Variants in SDHC observed in about 807,000 individuals in gnomAD.
SDHC encodes the protein succinate dehydrogenase cytochrome b560 subunit, mitochondrial.
SDHC carries 11 observed loss-of-function variants against 22.6 expected under a neutral mutation model. The ratio of observed to expected loss-of-function variants is 0.49; its 90% CI spans 0.31 to 0.81. SDHC has a LOEUF of 0.81. Among genes scored for constraint, SDHC ranks in the 30% least tolerant of loss-of-function variants. SDHC has a pLI of 0.05. For missense variants in SDHC, 160 were observed against 212.0 expected (o/e 0.75, Z 1.52); for synonymous variants, 80 against 77.8 (o/e 1.03, Z -0.15).
At chr1:161,336,370 G>A (rs533683026) in intron 3 of SDHC, among the ~76,000 whole-genome samples, 17 of 152,034 alleles carry the variant, frequency 1.1e-4, no homozygotes, top group African/African-American at 3.1e-4. Context: ...CAGGAGAATC[G>A]CTTGAACCCG....
chr1:161,362,517 G>C lies in SDHC; in HGVS notation c.*84G>C, dbSNP rs201210474. On this transcript the variant is annotated 3_prime_UTR_variant, in exon 6 of 6. Transcript: ENST00000367975. ...TTTGTCATTCTTATCTCCAGCCTGGGAAAAGTTCTCCTTATTTGTTTAGAT... is the reference window on the plus strand; with the variant it reads ...TTTGTCATTCTTATCTCCAGCCTGGCAAAAGTTCTCCTTATTTGTTTAGAT... The C allele has an allele frequency of 0.011, 17,711 of 1,609,238 alleles. 90 individuals carry two copies. Among genetic ancestry groups the C allele is most frequent in the Non-Finnish European group, 0.014 (16,402 of 1,178,076 alleles).
chr1:161,358,220 G>A (rs1418594012), intron 5 of SDHC, among the ~76,000 whole-genome samples: 1 of 148,408 alleles, frequency 6.7e-6, no homozygotes, highest in Non-Finnish European at 1.5e-5. Context: ...TTTTTTTTTG[G>A]TATTTTTAGT....
chr1:161,339,405 T>C (rs1486934371), intron 3 of SDHC, among the ~76,000 whole-genome samples: 1 of 151,282 alleles, frequency 6.6e-6, no homozygotes, highest in African/African-American at 2.4e-5. Flanking sequence ...AGGTTGACCT[T>C]GAACTCCTGA....
chr1:161,326,041 A>G (rs1484472076), intron 2 of SDHC, among the ~76,000 whole-genome samples: 1 of 152,058 alleles, frequency 6.6e-6, no homozygotes, highest in Admixed American at 6.6e-5. Flanking sequence ...ATCTTGACTG[A>G]AAATACAAAA....
intron 5 of SDHC, among the ~76,000 whole-genome samples, chr1:161,359,372 A>G (rs905612436): frequency 3.9e-5 from 6 of 152,224 alleles, no homozygotes; most frequent in South Asian, 4.1e-4. Context: ...GTCTGTATCA[A>G]CTGTTCCCTG....
chr1:161,316,718 TGAG>T (rs1670631303), intron 1 of SDHC, among the ~76,000 whole-genome samples: 1 of 152,140 alleles, frequency 6.6e-6, no homozygotes, highest in Non-Finnish European at 1.5e-5. Context: ...GGAGGATAAA[TGAG>T]GAATTAAAAA....
At chr1:161,339,419 C>G (rs953206399) in intron 3 of SDHC, 5 of 271,722 alleles carry the variant, frequency 1.8e-5, no homozygotes, top group South Asian at 1.5e-4. Flanking sequence ...CTCCTGAACT[C>G]AACGGCCCCC....
intron 3 of SDHC, among the ~76,000 whole-genome samples, 182 bp downstream of exon 3, chr1:161,328,679 G>A (rs984579386): frequency 2.0e-5 from 3 of 152,142 alleles, no homozygotes; most frequent in African/African-American, 7.2e-5. Context: ...TTTTTTATGT[G>A]GAGATGACTA....
chr1:161,362,187 G>A (rs1672539705), intron 5 of SDHC, 142 bp from the exon 6 acceptor site: 2 of 966,218 alleles, frequency 2.1e-6, no homozygotes, highest in South Asian at 2.9e-5. Context: ...GTAAAGGTGG[G>A]GCATAAGGGT....
chr1:161,320,828 ATT>A (rs71270444), intron 1 of SDHC, among the ~76,000 whole-genome samples: 7 of 127,634 alleles, frequency 5.5e-5, no homozygotes, highest in Admixed American at 1.7e-4. Context: ...TTCAGTCTTG[ATT>A]TTTTTTTTTT....
rs370190604 is a variant in SDHC at position 161,317,848 on chromosome 1, G to T, written c.20+3423G>T. Among the ~76,000 whole-genome samples the T allele has an allele frequency of 8.6e-5, 13 of 150,678 alleles. No individual in the cohort carries two copies. The East Asian group carries it at 2.2e-3, about 26-fold the overall frequency. ...CACCGAGCCAGGCATAAGCCACCAC[G>T]CCGGGCCAATGTAACAACATAATAA... is the stretch of plus-strand genomic sequence containing the variant. On this transcript the variant is annotated intron_variant, in intron 1 of 5. Coordinates refer to ENST00000367975, the MANE Select transcript of SDHC (RefSeq NM_003001.5).
At chr1:161,343,508 G>T (rs1041193034) in intron 4 of SDHC, among the ~76,000 whole-genome samples, 2 of 152,144 alleles carry the variant, frequency 1.3e-5, no homozygotes, top group Non-Finnish European at 2.9e-5. Context: ...ATGGAATCAA[G>T]GTATAAGGAT....
At chr1:161,328,316 A>G in intron 2 of SDHC, 80 bp from the exon 3 acceptor site, 2 of 1,197,552 alleles carry the variant, frequency 1.7e-6, no homozygotes, top group Admixed American at 1.7e-5. Context: ...ATTGCAAAAT[A>G]TTGACTTAAT....
chr1:161,338,287 T>C (rs74127638), intron 3 of SDHC, among the ~76,000 whole-genome samples: 17,807 of 152,210 alleles, frequency 0.12, 1,416 homozygotes, highest in African/African-American at 0.22. Flanking sequence ...TTTTAATTTA[T>C]TTGGGAATAC....
intron 3 of SDHC, among the ~76,000 whole-genome samples, chr1:161,329,252 T>G (rs1558167785): frequency 6.6e-6 from 1 of 152,160 alleles, no homozygotes; most frequent in Non-Finnish European, 1.5e-5. Flanking sequence ...GATTCCCAGC[T>G]GCTTAACATG....
At position 161,314,432 on chromosome 1, in the gene SDHC, T is replaced by G. The variant is rs1553260599; in HGVS notation, c.20+7T>G. The G allele has an allele frequency of 1.9e-6, 3 of 1,610,018 alleles. No individual in the cohort carries two copies. The highest frequency in any genetic ancestry group is 2.5e-6 in the Non-Finnish European group (3 of 1,179,500). ...TGGCTGCGCTGTTGCTGAGGTGACT[T>G]CAGTGGGACTGGGAGTTGGTGCCTG... On this transcript the variant is annotated splice_region_variant and intron_variant, in intron 1 of 5. Coordinates refer to ENST00000367975, the MANE Select transcript of SDHC (RefSeq NM_003001.5).
chr1:161,335,809 A>G (rs1469023566), intron 3 of SDHC, among the ~76,000 whole-genome samples: 4 of 151,964 alleles, frequency 2.6e-5, no homozygotes, highest in Admixed American at 2.0e-4. Context: ...TACATACATC[A>G]TACATACATA....
intron 3 of SDHC, among the ~76,000 whole-genome samples, chr1:161,330,594 AC>A (rs1311625547): frequency 6.6e-6 from 1 of 152,204 alleles, no homozygotes; most frequent in Admixed American, 6.5e-5. Flanking sequence ...GTCATTTTTA[AC>A]AGCCTCTTTT....
At chr1:161,349,089 G>A (rs1472920438) in intron 4 of SDHC, among the ~76,000 whole-genome samples, 1 of 152,080 alleles carries the variant, frequency 6.6e-6, no homozygotes, top group East Asian at 1.9e-4. Flanking sequence ...AATATATACA[G>A]ATATTCATGT....
Sources: gnomAD v4.1 joint callset for allele counts (sites outside exome capture counted in the v4.1 genomes callset) on GRCh38, gnomAD v4.1.1 for gene constraint, MANE v1.5 for transcripts, NCBI Gene and HGNC (gene_info 2026-07-23, HGNC 2026-07-21) for gene names.